The following ZNF385C variants were observed in gnomAD, a reference collection of about 807,000 sequenced individuals.
ZNF385C encodes the protein CTD-2132N18.2.
Under a neutral mutation model 35.4 loss-of-function variants are expected in ZNF385C, and 28 were observed. The observed-to-expected ratio is 0.79, with a 90% CI of 0.59 to 1.08. The LOEUF is 1.08. ZNF385C is among the 50% of genes least tolerant of loss of function. ZNF385C has a pLI of 0.00. For missense variants in ZNF385C, 605 were observed against 595.6 expected (o/e 1.02, Z -0.16); for synonymous variants, 248 against 248.2 (o/e 1.00, Z 0.01).
In ZNF385C at chr17:42,096,173, C is replaced by T. The variant is rs371367678; in HGVS notation, c.-3+2237G>A. Among the ~76,000 whole-genome samples, 3 of 152,342 alleles carry T rather than the reference C, an allele frequency of 2.0e-5. No homozygotes were observed. In the East Asian group the frequency reaches 5.8e-4, roughly 29 times the overall value. On this transcript the variant is annotated intron_variant, in intron 1 of 8. Transcript: ENST00000692273. ...GTATAAGGACACCCAGCCTCATGTC[C>T]TTGCTCCATCCACAGCCCCTGCAAA...
intron 2 of ZNF385C, among the ~76,000 whole-genome samples, chr17:42,055,266 G>T (rs1555657464): frequency 6.6e-6 from 1 of 152,120 alleles, no homozygotes; most frequent in Non-Finnish European, 1.5e-5. Context: ...GTGGGGAGAG[G>T]AAGGAAACTC....
intron 2 of ZNF385C, among the ~76,000 whole-genome samples, chr17:42,047,494 G>C (rs561278239): frequency 6.6e-6 from 1 of 152,056 alleles, no homozygotes; most frequent in Admixed American, 6.6e-5. Context: ...TGAGACTGCA[G>C]TAACTGTCTT....
chr17:42,039,824 C>A (rs565475548), intron 2 of ZNF385C: 7 of 1,232,186 alleles, frequency 5.7e-6, no homozygotes, highest in East Asian at 3.2e-5. Flanking sequence ...ACCATGTGGC[C>A]CCCCCGGCCT....
At chr17:42,031,827 C>T in intron 4 of ZNF385C, 43 bp from the exon 5 acceptor site, 1 of 1,540,316 alleles carries the variant, frequency 6.5e-7, no homozygotes, top group Non-Finnish European at 8.8e-7. Context: ...CTGGCTGAGT[C>T]CACATGCCCC....
At chr17:42,027,563 G>GCCCCCCCC in intron 8 of ZNF385C, 55 bp downstream of exon 8, 1 of 245,650 alleles carries the variant, frequency 4.1e-6, no homozygotes, top group Non-Finnish European at 8.0e-6. Flanking sequence ...GGCCCTCCCA[G>GCCCCCCCC]CCCACCCTCT....
chr17:42,061,494 T>A (rs2053461346), intron 2 of ZNF385C: 1 of 152,244 alleles, frequency 6.6e-6, no homozygotes, highest in Non-Finnish European at 1.5e-5. Flanking sequence ...GTGCTAGGAT[T>A]ACAGGCATGA....
At chr17:42,041,019 G>A in intron 2 of ZNF385C, 1 of 1,232,334 alleles carries the variant, frequency 8.1e-7, no homozygotes, top group Non-Finnish European at 1.0e-6. Context: ...GCTCCACACT[G>A]CCCAGGAAGG....
chr17:42,097,485 A>C (rs1290546218), intron 1 of ZNF385C, among the ~76,000 whole-genome samples: 1 of 152,010 alleles, frequency 6.6e-6, no homozygotes, highest in Non-Finnish European at 1.5e-5. Context: ...AAGGCTTGCG[A>C]TGATCTCAGG....
chr17:42,057,495 T>TGC (rs2053395207), intron 2 of ZNF385C, among the ~76,000 whole-genome samples: 1 of 105,082 alleles, frequency 9.5e-6, no homozygotes, highest in South Asian at 3.7e-4. Flanking sequence ...TATTTAGGGG[T>TGC]GTGCGCGCGC....
At chr17:42,033,688 G>A (rs2052779024) in intron 4 of ZNF385C, among the ~76,000 whole-genome samples, 1 of 152,212 alleles carries the variant, frequency 6.6e-6, no homozygotes, top group African/African-American at 2.4e-5. Context: ...TGGAGGTGGA[G>A]GCTGCAGTGA....
At chr17:42,061,207 A>ATTTTTTTTTTTTTTTTTTTTTTTTTTTT (rs10617911) in intron 2 of ZNF385C, 1 of 57,454 alleles carries the variant, frequency 1.7e-5, no homozygotes, top group African/African-American at 6.6e-5. Flanking sequence ...TAATGAGTTA[A>ATTTTTTTTTTTTTTTTTTTTTTTTTTTT]TTTTTTTTTT....
chr17:42,034,732 C>T (rs1354450312), intron 3 of ZNF385C, among the ~76,000 whole-genome samples: 5 of 144,526 alleles, frequency 3.5e-5, no homozygotes, highest in African/African-American at 7.9e-5. Flanking sequence ...TGCGGTGAAC[C>T]GAGAGCAGGC....
At chr17:42,033,167 A>G (rs1237512600) in intron 4 of ZNF385C, among the ~76,000 whole-genome samples, 1 of 152,152 alleles carries the variant, frequency 6.6e-6, no homozygotes, top group Admixed American at 6.5e-5. Context: ...ACAGGCCCCC[A>G]TGGCCCCTCC....
intron 2 of ZNF385C, among the ~76,000 whole-genome samples, chr17:42,051,319 C>T (rs1029227072): frequency 2.0e-5 from 3 of 151,902 alleles, no homozygotes; most frequent in African/African-American, 4.8e-5. Context: ...GGGAGGTTGG[C>T]GTGACCTTTT....
intron 2 of ZNF385C, among the ~76,000 whole-genome samples, chr17:42,054,452 G>C (rs2053339594): frequency 6.6e-6 from 1 of 152,208 alleles, no homozygotes; most frequent in Non-Finnish European, 1.5e-5. Flanking sequence ...AAGAGCACTG[G>C]CCATGCAGGG....
At chr17:42,065,080 G>A (rs1379780046) in intron 1 of ZNF385C, 1 of 152,150 alleles carries the variant, frequency 6.6e-6, no homozygotes, top group African/African-American at 2.4e-5. Context: ...TCGGACTCCT[G>A]GCCTCAAGTG....
At chr17:42,032,299 T>C (rs186015647) in intron 4 of ZNF385C, among the ~76,000 whole-genome samples, 6 of 152,280 alleles carry the variant, frequency 3.9e-5, no homozygotes, top group Admixed American at 3.9e-4. Flanking sequence ...TGCCTCGTGA[T>C]CCACCCGCCT....
At chr17:42,088,913 C>A (rs1360925245) in intron 1 of ZNF385C, among the ~76,000 whole-genome samples, 1 of 152,026 alleles carries the variant, frequency 6.6e-6, no homozygotes, top group African/African-American at 2.4e-5. Flanking sequence ...GCACCCTCGA[C>A]CTCCTGGCCT....
chr17:42,083,893 A>AT (rs1174009783), intron 1 of ZNF385C, among the ~76,000 whole-genome samples: 7 of 151,336 alleles, frequency 4.6e-5, no homozygotes, highest in African/African-American at 1.7e-4. Context: ...TAATTTTTAT[A>AT]TTTTTAGTAG....
Sources: allele counts gnomAD v4.1 joint callset (sites outside exome capture counted in the v4.1 genomes callset), GRCh38; gene constraint gnomAD v4.1.1; transcripts MANE v1.5; gene names NCBI Gene and HGNC (gene_info 2026-07-23, HGNC 2026-07-21).